TNFRSF11B: variants seen among roughly 807,000 people sequenced by gnomAD.
TNFRSF11B encodes tumor necrosis factor receptor superfamily member 11B.
A neutral mutation model predicts 43.4 loss-of-function variants in TNFRSF11B; 16 were observed. That is an observed-to-expected ratio of 0.37 (90% CI 0.25 to 0.56). The LOEUF (loss-of-function observed/expected upper bound fraction) is 0.56, where lower values mean the gene tolerates loss of function less well. Among genes scored for constraint, TNFRSF11B ranks in the 20% least tolerant of loss-of-function variants. The pLI, the probability that TNFRSF11B is intolerant of heterozygous loss-of-function variation, is 0.80. For missense variants in TNFRSF11B, 444 were observed against 490.1 expected (o/e 0.91, Z 0.89); for synonymous variants, 185 against 181.8 (o/e 1.02, Z -0.14).
At chr8:118,950,359 C>G (rs143131891) in intron 1 of TNFRSF11B, among the ~76,000 whole-genome samples, 3 of 152,278 alleles carry the variant, frequency 2.0e-5, no homozygotes, top group Admixed American at 1.3e-4. Context: ...CTATATCCTA[C>G]AGTAGAGATG....
chr8:118,950,709 C>G (rs1812630847), intron 1 of TNFRSF11B, among the ~76,000 whole-genome samples: 1 of 152,144 alleles, frequency 6.6e-6, no homozygotes, highest in African/African-American at 2.4e-5. Flanking sequence ...CACATACATA[C>G]ATATATATTT....
chr8:118,934,854 C>T (rs11573898), intron 1 of TNFRSF11B, among the ~76,000 whole-genome samples: 8,744 of 152,258 alleles, frequency 0.057, 343 homozygotes, highest in Non-Finnish European at 0.088. Context: ...ACAGCACACC[C>T]TTTTGAATTA....
intron 2 of TNFRSF11B, chr8:118,929,178 T>A: frequency 1.9e-6 from 1 of 521,900 alleles, no homozygotes; most frequent in Non-Finnish European, 3.5e-6. Flanking sequence ...AAAACGCTCA[T>A]GAAATGTGAG....
rs1812251452 is a variant in TNFRSF11B, at chr8:118,926,785, CAAACAA to C, written c.593-73_593-68del. On this transcript the variant is annotated intron_variant, in intron 3 of 4. Transcript: ENST00000297350. ...TGGATTTCTGAGAGTCTATTCAATACAAACAAAAACAAAAAACCAACACAATTGAAT... is the reference window on the plus strand; with the variant it reads ...TGGATTTCTGAGAGTCTATTCAATACAAACAAAAAACCAACACAATTGAAT... 9 of 1,378,712 alleles carry C rather than the reference CAAACAA, an allele frequency of 6.5e-6. No individual in the cohort carries two copies. In the Admixed American group the frequency reaches 1.8e-4, roughly 27 times the overall value. 85.4% of individuals were successfully genotyped at this position (1,378,712 alleles called of 1,614,324 possible).
At chr8:118,932,764 A>G (rs1564857) in intron 2 of TNFRSF11B, among the ~76,000 whole-genome samples, 167 bp downstream of exon 2, 15,004 of 152,122 alleles carry the variant, frequency 0.099, 863 homozygotes, top group South Asian at 0.14. Context: ...CCTCTGAGCA[A>G]TGGTCCTTTG....
rs1296664123 is a variant in TNFRSF11B, at chr8:118,924,627, G to A, written c.953C>T (p.Ala318Val). 6.2e-7 allele frequency: 1 copy of A among 1,614,028 alleles called. No homozygotes were observed. The highest frequency in any genetic ancestry group is 8.5e-7 in the Non-Finnish European group (1 of 1,180,036). The change falls in exon 5 of 5, where the codon GCA becomes GTA. Residue 318 changes from alanine to valine, a missense_variant. By Grantham distance (64) the Ala-to-Val change is moderately conservative. Transcript: ENST00000297350. ...CAGGATCTGGTCACTGGGTTTGCAT[G>A]CCTTTATTGTTTTTTCAATGTCTTC... is the stretch of plus-strand genomic sequence containing the variant. ...GAEDIEKTIK[A>V]CKPSDQILKL...
At chr8:118,941,040 T>A (rs182613171) in intron 1 of TNFRSF11B, among the ~76,000 whole-genome samples, 16 of 152,336 alleles carry the variant, frequency 1.1e-4, no homozygotes, top group Middle Eastern at 3.4e-3. Context: ...ATATTCACCA[T>A]GTAAAGGATA....
chr8:118,936,437 A>G (rs1004292247), intron 1 of TNFRSF11B, among the ~76,000 whole-genome samples: 5 of 152,100 alleles, frequency 3.3e-5, no homozygotes, highest in Non-Finnish European at 5.9e-5. Flanking sequence ...GTTAGCCCCA[A>G]TTCCCACACA....
intron 1 of TNFRSF11B, among the ~76,000 whole-genome samples, chr8:118,942,314 G>A (rs1812498159): frequency 7.1e-6 from 1 of 140,378 alleles, no homozygotes; most frequent in Non-Finnish European, 1.5e-5. Context: ...TATTTCTACA[G>A]TTGCTTTTCT....
chr8:118,945,822 G>T (rs1464805007), intron 1 of TNFRSF11B, among the ~76,000 whole-genome samples: 1 of 152,092 alleles, frequency 6.6e-6, no homozygotes, highest in Non-Finnish European at 1.5e-5. Flanking sequence ...GCTTAGATGA[G>T]TCACTGTCTT....
At chr8:118,938,003 A>AT (rs1194346251) in intron 1 of TNFRSF11B, among the ~76,000 whole-genome samples, 5 of 152,178 alleles carry the variant, frequency 3.3e-5, no homozygotes, top group Non-Finnish European at 7.3e-5. Context: ...GCGCTAACTG[A>AT]TTTTGCAATT....
At chr8:118,950,661 C>T (rs991322974) in intron 1 of TNFRSF11B, among the ~76,000 whole-genome samples, 1 of 152,196 alleles carries the variant, frequency 6.6e-6, no homozygotes, top group Admixed American at 6.5e-5. Flanking sequence ...TTTAAAAGCA[C>T]TCCATAGTAT....
At chr8:118,929,015 T>G in intron 2 of TNFRSF11B, 86 bp from the exon 3 acceptor site, 4 of 1,285,572 alleles carry the variant, frequency 3.1e-6, no homozygotes, top group Non-Finnish European at 4.5e-6. Flanking sequence ...GGAAAGACTT[T>G]TCACTTGGTT....
At chr8:118,938,973 A>G (rs953062612) in intron 1 of TNFRSF11B, among the ~76,000 whole-genome samples, 1 of 152,092 alleles carries the variant, frequency 6.6e-6, no homozygotes, top group Non-Finnish European at 1.5e-5. Flanking sequence ...TGAAATAACC[A>G]CTTGGTTTGG....
At chr8:118,933,952 A>G (rs1367705889) in intron 1 of TNFRSF11B, among the ~76,000 whole-genome samples, 1 of 152,236 alleles carries the variant, frequency 6.6e-6, no homozygotes, top group Non-Finnish European at 1.5e-5. Context: ...TAATCCAATT[A>G]GAGGAGTAAA....
intron 2 of TNFRSF11B, among the ~76,000 whole-genome samples, chr8:118,931,060 T>C (rs1220731452): frequency 6.6e-6 from 1 of 152,212 alleles, no homozygotes; most frequent in Non-Finnish European, 1.5e-5. Context: ...GAAATTTGGC[T>C]TTACAGTTGA....
chr8:118,951,732 G>A (rs1189661733), intron 1 of TNFRSF11B, 60 bp downstream of exon 1: 1 of 1,513,098 alleles, frequency 6.6e-7, no homozygotes, highest in Non-Finnish European at 9.0e-7. Flanking sequence ...GAGGTTGGGA[G>A]ACCAGGTGGC....
At chr8:118,936,065 A>C (rs566478273) in intron 1 of TNFRSF11B, among the ~76,000 whole-genome samples, 2 of 152,262 alleles carry the variant, frequency 1.3e-5, no homozygotes, top group East Asian at 3.9e-4. Flanking sequence ...GACCAAGAAC[A>C]CTGATGCATT....
rs375243853 is a variant in TNFRSF11B at position 118,933,370 on chromosome 8, A to G, written c.31-70T>C. On this transcript the variant is annotated intron_variant, in intron 1 of 4. Transcript: ENST00000297350. ...TAGGTTTGTTCTTATGTGCAACAGT[A>G]TCATTTGACTCAAAGTCCTGTATTA... is the stretch of plus-strand genomic sequence containing the variant. 5.0e-5 allele frequency: 79 copies of G among 1,593,116 alleles called. 2 individuals carry two copies. Among genetic ancestry groups the G allele is most frequent in the East Asian group, 4.2e-4 (19 of 44,846 alleles).
Sources: allele counts gnomAD v4.1 joint callset (sites outside exome capture counted in the v4.1 genomes callset), GRCh38; gene constraint gnomAD v4.1.1; transcripts MANE v1.5; gene names NCBI Gene and HGNC (gene_info 2026-07-23, HGNC 2026-07-21).